The following FBXW11 variants were observed in gnomAD, a reference collection of about 807,000 sequenced individuals.
The protein encoded by FBXW11 is F-box and WD repeat domain containing 11.
A neutral mutation model predicts 77.6 loss-of-function variants in FBXW11; 19 were observed. That is an observed-to-expected ratio of 0.24 (90% CI 0.17 to 0.36). The LOEUF (loss-of-function observed/expected upper bound fraction) is 0.36, where lower values mean the gene tolerates loss of function less well. Ranked by LOEUF, FBXW11 falls within the 10% of genes least tolerant of loss-of-function variation. The pLI is 1.00. For synonymous variants in FBXW11, 235 were observed against 249.4 expected, an observed-to-expected ratio of 0.94 and a Z score of 0.54; for missense variants, 334 against 704.2, an observed-to-expected ratio of 0.47 and a Z score of 5.95.
chr5:171,916,786 G>A (rs1026620770), intron 2 of FBXW11, among the ~76,000 whole-genome samples: 4 of 152,238 alleles, frequency 2.6e-5, no homozygotes, highest in South Asian at 2.1e-4. Context: ...GGTGGAGCAC[G>A]GAAAGGAATG....
rs1314368851 is a variant in FBXW11 at position 171,862,892 on chromosome 5, G to C, written c.*1235C>G. 1 of 152,292 alleles carries C rather than the reference G, an allele frequency of 6.6e-6. No individual in the cohort carries two copies. Among genetic ancestry groups the C allele is most frequent in the Admixed American group, 6.5e-5 (1 of 15,286 alleles). The allele number at this position is 152,292 out of a possible 1,614,324, so 9.4% of individuals were successfully genotyped here. On this transcript the variant is annotated 3_prime_UTR_variant, in exon 14 of 14. Coordinates refer to ENST00000517395, the MANE Select transcript of FBXW11 (RefSeq NM_001378974.1). ...ATGCATGAATTCCAGAGCCAAGACA[G>C]CCCGTCAACAGGGCCTTCTTATTTC...
At chr5:171,950,831 G>A (rs1763272014) in intron 2 of FBXW11, among the ~76,000 whole-genome samples, 1 of 152,162 alleles carries the variant, frequency 6.6e-6, no homozygotes, top group Non-Finnish European at 1.5e-5. Context: ...AGGCTGCAAT[G>A]AGCCCAGATC....
At chr5:171,886,650 A>T (rs1243956961) in intron 7 of FBXW11, among the ~76,000 whole-genome samples, 1 of 152,178 alleles carries the variant, frequency 6.6e-6, no homozygotes, top group African/African-American at 2.4e-5. Context: ...AGTATTAAAT[A>T]GTAGCATATG....
intron 1 of FBXW11, among the ~76,000 whole-genome samples, chr5:171,980,911 T>C (rs190881664): frequency 2.6e-5 from 4 of 152,262 alleles, no homozygotes; most frequent in African/African-American, 9.6e-5. Flanking sequence ...TCTTTTGTTA[T>C]TCAAAATAAG....
At chr5:171,933,897 T>C (rs1366112218) in intron 2 of FBXW11, among the ~76,000 whole-genome samples, 2 of 151,836 alleles carry the variant, frequency 1.3e-5, no homozygotes, top group Non-Finnish European at 2.9e-5. Context: ...CTCCTACATA[T>C]AAAAGAAGAG....
intron 4 of FBXW11, among the ~76,000 whole-genome samples, chr5:171,907,056 T>C (rs1760575789): frequency 6.6e-6 from 1 of 152,238 alleles, no homozygotes; most frequent in Admixed American, 6.5e-5. Context: ...CTTTACATGG[T>C]ATGAATTTTC....
intron 4 of FBXW11, among the ~76,000 whole-genome samples, chr5:171,902,570 A>G (rs1226159401): frequency 6.6e-6 from 1 of 152,204 alleles, no homozygotes; most frequent in Non-Finnish European, 1.5e-5. Context: ...CAAATTTAAT[A>G]GCTAAATCCC....
intron 1 of FBXW11, among the ~76,000 whole-genome samples, chr5:171,995,569 C>T (rs1188903121): frequency 2.0e-5 from 3 of 151,862 alleles, no homozygotes; most frequent in Admixed American, 6.6e-5. Flanking sequence ...CTGGCTAACA[C>T]GGTGAAACCC....
chr5:171,900,202 T>A, intron 4 of FBXW11, 102 bp from the exon 5 acceptor site: 2 of 1,006,310 alleles, frequency 2.0e-6, no homozygotes, highest in Non-Finnish European at 2.9e-6. Flanking sequence ...CTGAACCAAG[T>A]AAAATATTTT....
chr5:171,955,969 T>C (rs1763587170), intron 2 of FBXW11, among the ~76,000 whole-genome samples: 1 of 152,172 alleles, frequency 6.6e-6, no homozygotes, highest in African/African-American at 2.4e-5. Flanking sequence ...CTCACAATAC[T>C]GTTACTAAAA....
chr5:171,930,777 G>T (rs908436051), intron 2 of FBXW11, among the ~76,000 whole-genome samples: 25 of 103,890 alleles, frequency 2.4e-4, no homozygotes, highest in African/African-American at 7.8e-4. Context: ...AAAAAAAAAA[G>T]AAAAACTGAA....
intron 6 of FBXW11, among the ~76,000 whole-genome samples, chr5:171,891,825 T>C (rs1355228471): frequency 6.6e-6 from 1 of 152,114 alleles, no homozygotes; most frequent in Non-Finnish European, 1.5e-5. Flanking sequence ...GTCATAGGAT[T>C]TCCAATGAGT....
intron 4 of FBXW11, among the ~76,000 whole-genome samples, chr5:171,905,231 T>C (rs1760396647): frequency 6.6e-6 from 1 of 152,210 alleles, no homozygotes; most frequent in Non-Finnish European, 1.5e-5. Flanking sequence ...AACTGCTAGT[T>C]GTGTGACCTT....
At chr5:171,969,321 G>C (rs1764396109) in intron 1 of FBXW11, among the ~76,000 whole-genome samples, 1 of 152,188 alleles carries the variant, frequency 6.6e-6, no homozygotes, top group Non-Finnish European at 1.5e-5. Context: ...TTCTCCTGAT[G>C]TAATGAACAT....
intron 1 of FBXW11, among the ~76,000 whole-genome samples, chr5:171,987,473 C>T (rs369849017): frequency 7.9e-5 from 12 of 151,818 alleles, no homozygotes; most frequent in African/African-American, 2.2e-4. Flanking sequence ...TTTTTTGAGG[C>T]GGAGTGCCAC....
chr5:171,954,726 A>G (rs2113298657), intron 2 of FBXW11, among the ~76,000 whole-genome samples: 1 of 152,304 alleles, frequency 6.6e-6, no homozygotes, highest in South Asian at 2.1e-4. Flanking sequence ...AAGATTCAGG[A>G]GGGCTCATTT....
In FBXW11 at chr5:171,980,949, C is replaced by T. The variant is rs1234260662; in HGVS notation, c.46-23251G>A. Among the ~76,000 whole-genome samples, 5 of 152,174 alleles carry T rather than the reference C, an allele frequency of 3.3e-5. No homozygotes were observed. The East Asian group carries it at 7.7e-4, about 23-fold the overall frequency. ...ACTTTCAACCATACTAGAGTTTATG[C>T]TAATAAGGTGACTCTTGGAAGATGG... is the stretch of plus-strand genomic sequence containing the variant. On this transcript the variant is annotated intron_variant, in intron 1 of 13. Transcript: ENST00000517395.
At chr5:171,939,184 C>G (rs1353615444) in intron 2 of FBXW11, among the ~76,000 whole-genome samples, 1 of 152,118 alleles carries the variant, frequency 6.6e-6, no homozygotes, top group Non-Finnish European at 1.5e-5. Context: ...TTGCAGTGAG[C>G]CAAGACCATG....
At chr5:171,908,487 T>C (rs751287825) in intron 4 of FBXW11, among the ~76,000 whole-genome samples, 2 of 152,190 alleles carry the variant, frequency 1.3e-5, no homozygotes, top group Non-Finnish European at 2.9e-5. Context: ...CTTCCTAATC[T>C]ACACAATGAA....
Sources: allele counts gnomAD v4.1 joint callset (sites outside exome capture counted in the v4.1 genomes callset), GRCh38; gene constraint gnomAD v4.1.1; transcripts MANE v1.5; gene names NCBI Gene and HGNC (gene_info 2026-07-23, HGNC 2026-07-21).